Variants in WDR45B observed in about 807,000 individuals in gnomAD.
The protein encoded by WDR45B is WD repeat domain phosphoinositide-interacting protein 3.
In WDR45B, 20 loss-of-function variants were observed where a neutral mutation model predicts 44.6. The observed-to-expected ratio is 0.45, with a 90% confidence interval of 0.32 to 0.65. The LOEUF is 0.65. Ranked by LOEUF, WDR45B falls within the 30% of genes least tolerant of loss-of-function variation. The pLI is 0.05. For synonymous variants in WDR45B, 169 were observed against 164.9 expected, an observed-to-expected ratio of 1.02 and a Z score of -0.19; for missense variants, 323 against 430.2, an observed-to-expected ratio of 0.75 and a Z score of 2.20.
chr17:82,647,712 C>T (rs2045997670), intron 1 of WDR45B, among the ~76,000 whole-genome samples: 1 of 150,956 alleles, frequency 6.6e-6, no homozygotes. Context: ...GACCTGCACC[C>T]CACCCGCGCC....
intron 9 of WDR45B, among the ~76,000 whole-genome samples, 168 bp from the exon 10 acceptor site, chr17:82,616,193 C>T (rs1166706463): frequency 1.3e-5 from 2 of 152,204 alleles, no homozygotes; most frequent in African/African-American, 2.4e-5. Flanking sequence ...GCACCGTGGC[C>T]GGGAATCCTG....
chr17:82,617,857 T>C (rs372555690), intron 7 of WDR45B, among the ~76,000 whole-genome samples: 1 of 152,272 alleles, frequency 6.6e-6, no homozygotes. Flanking sequence ...CAGACAGGGA[T>C]GTGCTATGCA....
intron 2 of WDR45B, among the ~76,000 whole-genome samples, chr17:82,638,366 GAGA>G (rs956518024): frequency 6.6e-6 from 1 of 151,154 alleles, no homozygotes; most frequent in Non-Finnish European, 1.5e-5. Context: ...AGGGGGGTAG[GAGA>G]AGGTCAGAGG....
chr17:82,631,277 A>AATTTT (rs1251157215), intron 2 of WDR45B, among the ~76,000 whole-genome samples: 1 of 86,822 alleles, frequency 1.2e-5, no homozygotes, highest in South Asian at 4.5e-4. Flanking sequence ...TACAGGACTC[A>AATTTT]TTTTTTTTTT....
intron 4 of WDR45B, among the ~76,000 whole-genome samples, chr17:82,626,383 A>T (rs1013467507): frequency 6.6e-6 from 1 of 151,222 alleles, no homozygotes; most frequent in African/African-American, 2.4e-5. Flanking sequence ...TAAAGATACA[A>T]AATCAGCCAG....
chr17:82,647,978 A>C (rs898822996), intron 1 of WDR45B, among the ~76,000 whole-genome samples: 1 of 143,528 alleles, frequency 7.0e-6, no homozygotes, highest in African/African-American at 2.6e-5. Context: ...GCCGTCTCCC[A>C]CCGACCTCGA....
At chr17:82,634,667 G>A (rs2045811949) in intron 2 of WDR45B, among the ~76,000 whole-genome samples, 1 of 151,932 alleles carries the variant, frequency 6.6e-6, no homozygotes. Context: ...ATGGAGAAAT[G>A]AACAAACAGC....
chr17:82,643,113 ATT>A (rs1271436692), intron 2 of WDR45B, among the ~76,000 whole-genome samples: 2 of 152,134 alleles, frequency 1.3e-5, no homozygotes, highest in Non-Finnish European at 2.9e-5. Flanking sequence ...TGAGGCAGGC[ATT>A]GTTATCAACC....
At chr17:82,645,314 A>G (rs1162978475) in intron 1 of WDR45B, among the ~76,000 whole-genome samples, 1 of 151,966 alleles carries the variant, frequency 6.6e-6, no homozygotes, top group Non-Finnish European at 1.5e-5. Flanking sequence ...AAAAACAAAA[A>G]TAAAAAATAA....
At position 82,631,094 on chromosome 17, in the gene WDR45B, A is replaced by G. The variant is rs115240226; in HGVS notation, c.143-72T>C. The G allele has an allele frequency of 6.6e-3, 9,783 of 1,484,942 alleles. 536 individuals carry two copies. The African/African-American group carries it at 0.12, about 18-fold the overall frequency. 92.0% of individuals were successfully genotyped at this position (1,484,942 alleles called of 1,614,324 possible). A position where few individuals can be genotyped will look rare whatever the true frequency, so the allele number is the denominator to read the frequency against. On this transcript the variant is annotated intron_variant, in intron 2 of 9. Coordinates refer to ENST00000392325, the MANE Select transcript of WDR45B (RefSeq NM_019613.4). ...TATTTTACAATAAAAAAGAAAAGAG[A>G]AAGTCAAGACAGGTAACGCAGCAAT...
intron 2 of WDR45B, among the ~76,000 whole-genome samples, chr17:82,640,800 C>T (rs1416814679): frequency 1.3e-5 from 2 of 152,148 alleles, no homozygotes; most frequent in Non-Finnish European, 2.9e-5. Flanking sequence ...CGGGAGCACA[C>T]CACACATGCA....
At chr17:82,641,554 C>A (rs1386003016) in intron 2 of WDR45B, among the ~76,000 whole-genome samples, 2 of 152,154 alleles carry the variant, frequency 1.3e-5, no homozygotes, top group Non-Finnish European at 2.9e-5. Flanking sequence ...GAAGCTCCCA[C>A]CCTGCACACT....
chr17:82,638,492 C>T (rs1367778994), intron 2 of WDR45B, among the ~76,000 whole-genome samples: 4 of 151,592 alleles, frequency 2.6e-5, no homozygotes, highest in Non-Finnish European at 5.9e-5. Context: ...GGCCCAGACT[C>T]TCCCAACAGA....
At chr17:82,627,056 T>G (rs2045707352) in intron 4 of WDR45B, 148 bp downstream of exon 4, 2 of 758,922 alleles carry the variant, frequency 2.6e-6, no homozygotes, top group Non-Finnish European at 4.7e-6. Context: ...ATATAAATAA[T>G]CCTTATATCC....
At chr17:82,620,637 G>A (rs996248886) in intron 6 of WDR45B, among the ~76,000 whole-genome samples, 1 of 152,124 alleles carries the variant, frequency 6.6e-6, no homozygotes, top group South Asian at 2.1e-4. Flanking sequence ...TACCATCACC[G>A]GCTTGCGGTC....
intron 2 of WDR45B, among the ~76,000 whole-genome samples, chr17:82,631,958 T>C (rs1386503492): frequency 6.6e-6 from 1 of 151,894 alleles, no homozygotes; most frequent in Non-Finnish European, 1.5e-5. Context: ...GGCAGGCACC[T>C]GTAGTCCCAG....
chr17:82,643,901 C>G, intron 2 of WDR45B, 48 bp downstream of exon 2: 1 of 1,588,732 alleles, frequency 6.3e-7, no homozygotes, highest in Non-Finnish European at 8.6e-7. Context: ...TTTAAGACTC[C>G]GAGGGTTGGA....
intron 9 of WDR45B, 122 bp downstream of exon 9, chr17:82,616,402 C>G: frequency 6.7e-7 from 1 of 1,497,054 alleles, no homozygotes; most frequent in South Asian, 1.1e-5. Flanking sequence ...ATAAGGGGAA[C>G]TGGGCGGCCA....
chr17:82,627,632 G>A (rs554152377), intron 3 of WDR45B, among the ~76,000 whole-genome samples: 3 of 152,178 alleles, frequency 2.0e-5, no homozygotes, highest in South Asian at 2.1e-4. Context: ...ACACAGGCAC[G>A]CTAAGCGCAT....
Sources: allele counts gnomAD v4.1 joint callset (sites outside exome capture counted in the v4.1 genomes callset), GRCh38; gene constraint gnomAD v4.1.1; transcripts MANE v1.5; gene names NCBI Gene and HGNC (gene_info 2026-07-23, HGNC 2026-07-21).